The following HDX variants were observed in gnomAD, a reference collection of about 807,000 sequenced individuals.
The protein encoded by HDX is highly divergent homeobox.
A neutral mutation model predicts 45.2 loss-of-function variants in HDX; 19 were observed. The ratio of observed to expected loss-of-function variants is 0.42; its 90% confidence interval spans 0.29 to 0.62. The LOEUF (loss-of-function observed/expected upper bound fraction) is 0.62. HDX is among the 20% of genes least tolerant of loss of function. The pLI is 0.20. For synonymous variants in HDX, 188 were observed against 172.8 expected (o/e 1.09, Z -0.69); for missense variants, 532 against 493.9 (o/e 1.08, Z -0.73).
intron 5 of HDX, among the ~76,000 whole-genome samples, chrX:84,364,997 T>A (rs1385097583): frequency 1.8e-5 from 2 of 111,711 alleles, no homozygotes; most frequent in Non-Finnish European, 3.8e-5. Context: ...TTCTCTGTTT[T>A]TTTATCCCTC....
rs764093485 is a variant in HDX, at chrX:84,344,365, A to G, written c.1545T>C (p.Pro515=). 9.1e-6 allele frequency: 11 copies of G among 1,203,009 alleles called. No individual in the cohort carries two copies. In the South Asian group the frequency reaches 1.9e-4, roughly 21 times the overall value. Residue 515 remains proline, a synonymous_variant, in exon 7 of 11, where the codon CCT becomes CCC. Transcript: ENST00000373177. ...RGGPADFSEQ[P]ESGSLSALTP... is the part of the protein sequence containing the mutation. ...TGAGTGCAGATAAAGAACCAGACTC[A>G]GGCTGCTCAGAGAAATCAGCAGGGC...
chrX:84,358,237 G>A (rs1246091036), intron 6 of HDX, among the ~76,000 whole-genome samples: 1 of 111,930 alleles, frequency 8.9e-6, no homozygotes, highest in Non-Finnish European at 1.9e-5. Context: ...AACTAAAAGT[G>A]GAAAGTGGTT....
intron 5 of HDX, among the ~76,000 whole-genome samples, chrX:84,432,551 C>T (rs1318105506): frequency 9.0e-6 from 1 of 111,224 alleles, no homozygotes; most frequent in Non-Finnish European, 1.9e-5. Context: ...TTTCACCCCT[C>T]TTGTTAGCTG....
At chrX:84,377,564 G>A (rs771963021) in intron 5 of HDX, among the ~76,000 whole-genome samples, 2 of 111,195 alleles carry the variant, frequency 1.8e-5, no homozygotes, top group African/African-American at 3.3e-5. Flanking sequence ...TAATTAAAAC[G>A]AATCAAGCAG....
intron 4 of HDX, among the ~76,000 whole-genome samples, chrX:84,455,519 A>G (rs2040094452): frequency 8.9e-6 from 1 of 111,912 alleles, no homozygotes; most frequent in African/African-American, 3.3e-5. Context: ...TTGAAAATAA[A>G]CAGCCAGAGA....
In HDX at chrX:84,491,329, A is replaced by G. The variant is rs780236090; in HGVS notation, c.-109-3197T>C. ...AGCTAATCTGCTGTTAAAACTATCCAGTGCATTTGCCATTTCATATGCTAT... is the reference window on the plus strand; with the variant it reads ...AGCTAATCTGCTGTTAAAACTATCCGGTGCATTTGCCATTTCATATGCTAT... On this transcript the variant is annotated intron_variant, in intron 1 of 10. Coordinates refer to ENST00000373177, the MANE Select transcript of HDX (RefSeq NM_001177479.2). Among the ~76,000 whole-genome samples the G allele has an allele frequency of 2.7e-5, 3 of 111,796 alleles. No homozygotes were observed. The South Asian group carries it at 1.1e-3, about 41-fold the overall frequency.
chrX:84,406,519 TACAC>T (rs199742769), intron 5 of HDX, among the ~76,000 whole-genome samples: 2 of 64,687 alleles, frequency 3.1e-5, no homozygotes, highest in Non-Finnish European at 6.0e-5. Context: ...CACACACACA[TACAC>T]ACACACACAC....
At chrX:84,390,885 C>A (rs1050540690) in intron 5 of HDX, among the ~76,000 whole-genome samples, 1 of 111,178 alleles carries the variant, frequency 9.0e-6, no homozygotes, top group Non-Finnish European at 1.9e-5. Context: ...TTGTTGCATG[C>A]ATAGAATGTG....
chrX:84,378,876 T>C (rs1044356223), intron 5 of HDX, among the ~76,000 whole-genome samples: 3 of 110,598 alleles, frequency 2.7e-5, no homozygotes, highest in African/African-American at 9.8e-5. Context: ...GGATGAAAAA[T>C]CAAGATGCAT....
At chrX:84,386,804 A>G (rs1029248020) in intron 5 of HDX, among the ~76,000 whole-genome samples, 9 of 111,642 alleles carry the variant, frequency 8.1e-5, no homozygotes, top group Admixed American at 7.6e-4. Context: ...CCTTCATTTC[A>G]CAATCTTTTA....
intron 5 of HDX, among the ~76,000 whole-genome samples, chrX:84,408,918 C>G (rs1022693394): frequency 1.8e-5 from 2 of 110,415 alleles, no homozygotes; most frequent in Non-Finnish European, 3.8e-5. Context: ...AATTTTGTAT[C>G]CTGAAACTTT....
At chrX:84,444,719 A>T (rs1438162402) in intron 4 of HDX, among the ~76,000 whole-genome samples, 1 of 111,666 alleles carries the variant, frequency 9.0e-6, no homozygotes, top group Non-Finnish European at 1.9e-5. Context: ...ATTTAGATGT[A>T]TACTGGAGTC....
chrX:84,497,713 GTA>G (rs2041034189), intron 1 of HDX, among the ~76,000 whole-genome samples: 1 of 99,252 alleles, frequency 1.0e-5, no homozygotes, highest in South Asian at 4.5e-4. Flanking sequence ...GTGTGTGTGT[GTA>G]TGAATTTACA....
chrX:84,354,715 T>G (rs1191323007), intron 6 of HDX, among the ~76,000 whole-genome samples: 1 of 108,842 alleles, frequency 9.2e-6, no homozygotes, highest in Non-Finnish European at 1.9e-5. Context: ...TTTTTCCAAA[T>G]TTACCTGATC....
chrX:84,387,591 T>G (rs1384149273), intron 5 of HDX, among the ~76,000 whole-genome samples: 1 of 112,156 alleles, frequency 8.9e-6, no homozygotes, highest in Non-Finnish European at 1.9e-5. Flanking sequence ...TTGTCTTTCT[T>G]AATTTTTGTT....
chrX:84,330,566 T>C (rs142053880), intron 9 of HDX, among the ~76,000 whole-genome samples: 40 of 111,771 alleles, frequency 3.6e-4, no homozygotes, highest in Non-Finnish European at 5.5e-4. Context: ...GCAGTAGTAT[T>C]AGTAAAGTGC....
chrX:84,334,662 A>T lies in HDX; in HGVS notation c.1741-820T>A, dbSNP rs12841279. 5.6e-4 allele frequency among the ~76,000 whole-genome samples: 38 copies of T among 67,300 alleles called. 1 individual carries two copies. Among genetic ancestry groups the T allele is most frequent in the African/African-American group, 1.1e-3 (27 of 24,151 alleles). The allele number at this position is 67,300 out of a possible 115,157, so 58.4% of individuals were successfully genotyped here. A position where few individuals can be genotyped will look rare whatever the true frequency, so the allele number is the denominator to read the frequency against. ...AGTTCTCTAATCATGTGATTTTTTTAAAAAAAAAGCAAAAAAAAAAAAAAA... is the reference window on the plus strand; with the variant it reads ...AGTTCTCTAATCATGTGATTTTTTTTAAAAAAAAGCAAAAAAAAAAAAAAA... On this transcript the variant is annotated intron_variant, in intron 8 of 10. Coordinates refer to ENST00000373177, the MANE Select transcript of HDX (RefSeq NM_001177479.2).
At chrX:84,364,048 C>T (rs1273083886) in intron 5 of HDX, among the ~76,000 whole-genome samples, 1 of 111,717 alleles carries the variant, frequency 9.0e-6, no homozygotes, top group Non-Finnish European at 1.9e-5. Flanking sequence ...CTGTTATTTT[C>T]TCAGCCTCAA....
At chrX:84,457,297 G>T (rs1011074411) in intron 4 of HDX, among the ~76,000 whole-genome samples, 1 of 111,358 alleles carries the variant, frequency 9.0e-6, no homozygotes, top group African/African-American at 3.3e-5. Flanking sequence ...TCACAATGTG[G>T]TTTATCTATT....
Sources: allele counts gnomAD v4.1 joint callset (sites outside exome capture counted in the v4.1 genomes callset), GRCh38; gene constraint gnomAD v4.1.1; transcripts MANE v1.5; gene names NCBI Gene and HGNC (gene_info 2026-07-23, HGNC 2026-07-21).